Variants in SLC15A1 observed in about 807,000 individuals in gnomAD.
SLC15A1 encodes the protein Caco-2 oligopeptide transporter.
A neutral mutation model predicts 92.9 loss-of-function variants in SLC15A1; 83 were observed. The ratio of observed to expected loss-of-function variants is 0.89; its 90% CI spans 0.75 to 1.07. SLC15A1 has a LOEUF of 1.07. SLC15A1 is among the 50% of genes least tolerant of loss of function. SLC15A1 has a pLI of 0.00. For synonymous variants in SLC15A1, 322 were observed against 318.2 expected, an observed-to-expected ratio of 1.01 and a Z score of -0.13; for missense variants, 857 against 880.1, an observed-to-expected ratio of 0.97 and a Z score of 0.33.
chr13:98,735,136 C>T (rs1424345693), intron 1 of SLC15A1, among the ~76,000 whole-genome samples: 1 of 152,192 alleles, frequency 6.6e-6, no homozygotes, highest in Non-Finnish European at 1.5e-5. Flanking sequence ...AAAGCTTATC[C>T]ACCATGATCA....
In SLC15A1 at chr13:98,727,470, A is replaced by AACATCCCCACTTT. The variant is rs200106438; in HGVS notation, c.5-624_5-612dup. Among the ~76,000 whole-genome samples the AACATCCCCACTTT allele has an allele frequency of 9.9e-3, 1,505 of 152,276 alleles. 12 individuals are homozygous for AACATCCCCACTTT. Among genetic ancestry groups the AACATCCCCACTTT allele is most frequent in the Middle Eastern group, 0.051 (15 of 294 alleles). On this transcript the variant is annotated intron_variant, in intron 1 of 22. Coordinates refer to ENST00000376503, the MANE Select transcript of SLC15A1 (RefSeq NM_005073.4). The stretch of plus-strand genomic sequence containing the variant: ...AGAATCATGTGCCATCCATCACACC[A>AACATCCCCACTTT]ACATCCCCACTTTCAACGTCCTGTA...
At position 98,683,945 on chromosome 13, in the gene SLC15A1, A is replaced by G. The variant is rs1428587111; in HGVS notation, c.*779T>C. 3 of 152,258 alleles carry G rather than the reference A, an allele frequency of 2.0e-5. No homozygotes were observed. The East Asian group carries it at 5.8e-4, about 29-fold the overall frequency. 9.4% of individuals were successfully genotyped at this position (152,258 alleles called of 1,614,324 possible). On this transcript the variant is annotated 3_prime_UTR_variant, in exon 23 of 23. Coordinates refer to ENST00000376503, the MANE Select transcript of SLC15A1 (RefSeq NM_005073.4). ...ATAACAAAAACCCAAAGGTAAAGTT[A>G]TCAGTTAATACCAGCTGGTCCTTAT... is the stretch of plus-strand genomic sequence containing the variant.
At chr13:98,701,155 G>A (rs2088063778) in intron 18 of SLC15A1, among the ~76,000 whole-genome samples, 1 of 152,120 alleles carries the variant, frequency 6.6e-6, no homozygotes, top group African/African-American at 2.4e-5. Flanking sequence ...TAAATCTTCT[G>A]ATCAATGAAT....
At chr13:98,737,505 G>A (rs1382273848) in intron 1 of SLC15A1, among the ~76,000 whole-genome samples, 1 of 152,052 alleles carries the variant, frequency 6.6e-6, no homozygotes, top group Admixed American at 6.6e-5. Flanking sequence ...AATAAAAAAA[G>A]GAAATAAAAT....
At chr13:98,719,380 A>G in intron 7 of SLC15A1, 60 bp from the exon 8 acceptor site, 9 of 1,180,152 alleles carry the variant, frequency 7.6e-6, no homozygotes, top group Non-Finnish European at 1.0e-5. Flanking sequence ...TATAGTTCCC[A>G]TTTGTAAAGA....
At chr13:98,737,138 A>G (rs1453352991) in intron 1 of SLC15A1, among the ~76,000 whole-genome samples, 1 of 152,268 alleles carries the variant, frequency 6.6e-6, no homozygotes, top group Non-Finnish European at 1.5e-5. Context: ...TGTGGCATAT[A>G]TACACCATGG....
intron 18 of SLC15A1, among the ~76,000 whole-genome samples, chr13:98,689,129 G>T (rs2087955916): frequency 6.6e-6 from 1 of 152,146 alleles, no homozygotes; most frequent in African/African-American, 2.4e-5. Flanking sequence ...TAGTAGAGGT[G>T]GGGTTTCGCC....
intron 18 of SLC15A1, among the ~76,000 whole-genome samples, chr13:98,694,079 T>C (rs1385641073): frequency 1.3e-5 from 2 of 152,216 alleles, no homozygotes; most frequent in African/African-American, 4.8e-5. Context: ...CTTCAGTCTT[T>C]TGCATGTGGA....
chr13:98,684,973 G>T, intron 22 of SLC15A1, 58 bp from the exon 23 acceptor site: 2 of 1,429,952 alleles, frequency 1.4e-6, no homozygotes, highest in African/African-American at 1.4e-5. Flanking sequence ...AGGTCATACT[G>T]ATGAATATAT....
intron 18 of SLC15A1, among the ~76,000 whole-genome samples, chr13:98,688,943 T>G (rs1026978872): frequency 5.3e-5 from 8 of 152,240 alleles, no homozygotes; most frequent in African/African-American, 1.9e-4. Flanking sequence ...TTCAGAAACT[T>G]TATTTATTTA....
At chr13:98,713,737 C>A (rs759459193) in intron 9 of SLC15A1, among the ~76,000 whole-genome samples, 1 of 152,038 alleles carries the variant, frequency 6.6e-6, no homozygotes, top group Non-Finnish European at 1.5e-5. Context: ...AGGCTGGAGG[C>A]ATGAGCGTGA....
Position 98,686,192 on chromosome 13 carries a change from G to A in SLC15A1, c.1933C>T (p.Gln645Ter). The change falls in exon 22 of 23, where the codon CAG becomes TAG. Residue 645 changes from glutamine (Q) to a stop codon, truncating the protein, a stop_gained and splice_region_variant. Transcript: ENST00000376503. LOFTEE classifies it low-confidence loss of function (END_TRUNC). ...IVAGAGQFSK[Q>*]WAEYILFAAL... The stretch of plus-strand genomic sequence containing the variant: ...CAATCTCCTCTCCCACGCCATACCT[G>A]TTTGCTGAACTGGCCTGCCCCTGCC... 2 of 1,611,708 alleles carry A rather than the reference G, an allele frequency of 1.2e-6. No individual in the cohort carries two copies. The highest frequency in any genetic ancestry group is 8.5e-7 in the Non-Finnish European group (1 of 1,178,212).
Position 98,684,643 on chromosome 13 carries a change from T to TCC in SLC15A1, c.*79_*80dup. On this transcript the variant is annotated 3_prime_UTR_variant, in exon 23 of 23. Transcript: ENST00000376503. ...CTGAAGTCTTCCTCATCAGGGGCCA[T>TCC]CCAATGGAGTGTCCTGCTACCTGGG... is the stretch of plus-strand genomic sequence containing the variant. 2 of 1,049,502 alleles carry TCC rather than the reference T, an allele frequency of 1.9e-6. No individual in the cohort carries two copies. Among genetic ancestry groups the TCC allele is most frequent in the Non-Finnish European group, 2.9e-6 (2 of 698,566 alleles). The allele number at this position is 1,049,502 out of a possible 1,614,324, so 65.0% of individuals were successfully genotyped here.
chr13:98,751,329 G>A (rs1388696168), intron 1 of SLC15A1, among the ~76,000 whole-genome samples: 1 of 152,164 alleles, frequency 6.6e-6, no homozygotes, highest in Non-Finnish European at 1.5e-5. Context: ...CAATAACCAG[G>A]CAGCTGCCTC....
chr13:98,706,568 G>A (rs1422946904), intron 15 of SLC15A1, among the ~76,000 whole-genome samples: 6 of 152,172 alleles, frequency 3.9e-5, no homozygotes, highest in African/African-American at 4.8e-5. Context: ...GGCTTCCCCC[G>A]TACTGTTCTT....
intron 18 of SLC15A1, among the ~76,000 whole-genome samples, chr13:98,689,393 G>A (rs979309400): frequency 4.6e-5 from 7 of 152,184 alleles, no homozygotes. Context: ...AGGTGGGGAA[G>A]GGCACCCGGG....
At position 98,752,471 on chromosome 13, in the gene SLC15A1, G is replaced by A. The variant is rs566466950; in HGVS notation, c.4+124C>T. ...CCCCGCAACCTCCCGGCCCCCGTGG[G>A]CCTTCGGGTCGCCCCGCTTCCCGCC... is the stretch of plus-strand genomic sequence containing the variant. On this transcript the variant is annotated intron_variant, in intron 1 of 22. Transcript: ENST00000376503. 1.7e-4 allele frequency: 157 copies of A among 918,300 alleles called. No individual in the cohort carries two copies. The African/African-American group carries it at 2.5e-3, about 15-fold the overall frequency. The allele number at this position is 918,300 out of a possible 1,614,324, so 56.9% of individuals were successfully genotyped here.
At chr13:98,710,641 C>G (rs771638182) in intron 11 of SLC15A1, among the ~76,000 whole-genome samples, 3 of 151,790 alleles carry the variant, frequency 2.0e-5, no homozygotes, top group Non-Finnish European at 4.4e-5. Flanking sequence ...CACAGCAGAA[C>G]CCCGTCTCTA....
At chr13:98,696,505 C>G (rs1383155572) in intron 18 of SLC15A1, among the ~76,000 whole-genome samples, 1 of 152,106 alleles carries the variant, frequency 6.6e-6, no homozygotes, top group Non-Finnish European at 1.5e-5. Context: ...ATATCAATTG[C>G]TCAAAGTTTC....
Sources: gnomAD v4.1 joint callset for allele counts (sites outside exome capture counted in the v4.1 genomes callset) on GRCh38, gnomAD v4.1.1 for gene constraint, MANE v1.5 for transcripts, NCBI Gene and HGNC (gene_info 2026-07-23, HGNC 2026-07-21) for gene names.